Variants in DIPK2A observed in about 807,000 individuals in gnomAD.
DIPK2A encodes Golgi Protein of 49 kDa.
A neutral mutation model predicts 39.0 loss-of-function variants in DIPK2A; 27 were observed. The observed-to-expected ratio is 0.69, with a 90% CI of 0.51 to 0.96. The LOEUF is 0.96. Among genes scored for constraint, DIPK2A ranks in the 40% least tolerant of loss-of-function variants. The pLI is 0.00. For synonymous variants in DIPK2A, 298 were observed against 240.8 expected, an observed-to-expected ratio of 1.24 and a Z score of -2.20; for missense variants, 528 against 571.3, an observed-to-expected ratio of 0.92 and a Z score of 0.77.
chr3:143,989,468 T>G, intron 2 of DIPK2A, 42 bp from the exon 3 acceptor site: 1 of 1,362,108 alleles, frequency 7.3e-7, no homozygotes, highest in Non-Finnish European at 1.0e-6. Flanking sequence ...TGAAAACTAT[T>G]TAAAAAATTT....
At chr3:143,983,288 A>T (rs1029323446) in intron 1 of DIPK2A, among the ~76,000 whole-genome samples, 1 of 152,178 alleles carries the variant, frequency 6.6e-6, no homozygotes, top group Admixed American at 6.5e-5. Flanking sequence ...TCAGCATCAT[A>T]TTGCACTTAT....
chr3:143,987,617 A>G (rs1464739256), intron 2 of DIPK2A, among the ~76,000 whole-genome samples: 1 of 152,206 alleles, frequency 6.6e-6, no homozygotes, highest in Non-Finnish European at 1.5e-5. Flanking sequence ...AAACCTCATT[A>G]AAACAGCAAC....
intron 1 of DIPK2A, among the ~76,000 whole-genome samples, chr3:143,981,040 C>T (rs980086976): frequency 2.6e-5 from 4 of 152,030 alleles, no homozygotes; most frequent in East Asian, 1.9e-4. Context: ...AAAATGTATT[C>T]TTTTATGTAT....
Position 143,973,192 on chromosome 3 carries a change from G to C in DIPK2A, c.657+203G>C, listed in dbSNP as rs747124887. ...GGGCGACCCCGCTGATGGAGAGTCT[G>C]CTCTTGTTACCTAGATTCGGGCGCA... On this transcript the variant is annotated intron_variant, in intron 1 of 2. Transcript: ENST00000315691. 22 of 1,006,936 alleles carry C rather than the reference G, an allele frequency of 2.2e-5. No individual in the cohort carries two copies. The African/African-American group carries it at 2.4e-4, about 11-fold the overall frequency. The allele number at this position is 1,006,936 out of a possible 1,614,324, so 62.4% of individuals were successfully genotyped here.
Position 143,972,369 on chromosome 3 carries a change from T to G in DIPK2A, c.37T>G (p.Ser13Ala). The G allele has an allele frequency of 5.7e-6, 8 of 1,410,078 alleles. No homozygotes were observed. Among genetic ancestry groups the G allele is most frequent in the Non-Finnish European group, 7.4e-6 (8 of 1,082,250 alleles). 87.3% of individuals were successfully genotyped at this position (1,410,078 alleles called of 1,614,324 possible). Residue 13 changes from serine to alanine, a missense_variant, in exon 1 of 3, where the codon TCC becomes GCC. This residue lies in a region of DIPK2A where 309 missense variants were observed against 289.8 expected (regional missense o/e 1.07). Transcript: ENST00000315691. ...GGTGCCCCCGAAGCTGGGCCGCCTGTCCCGCTCGCTGAAGCTGGCGGCGCT... is the reference window on the plus strand; with the variant it reads ...GGTGCCCCCGAAGCTGGGCCGCCTGGCCCGCTCGCTGAAGCTGGCGGCGCT... ...RLVPPKLGRL[S>A]RSLKLAALGS...
chr3:143,978,956 G>A (rs1457754476), intron 1 of DIPK2A, among the ~76,000 whole-genome samples: 1 of 151,856 alleles, frequency 6.6e-6, no homozygotes, highest in Non-Finnish European at 1.5e-5. Context: ...TACCTAACAG[G>A]ATTGTTTTAA....
rs1444927225 is a variant in DIPK2A at position 143,989,654 on chromosome 3, C to T, written c.1106C>T (p.Ser369Phe). 2 of 1,614,212 alleles carry T rather than the reference C, an allele frequency of 1.2e-6. No homozygotes were observed. Among genetic ancestry groups the T allele is most frequent in the Non-Finnish European group, 1.7e-6 (2 of 1,180,032 alleles). ...TATGCTGTTTGTCAGAACCTCTTATCCAGACATGCCACCTGGCGTGGCACT... is the reference window on the plus strand; with the variant it reads ...TATGCTGTTTGTCAGAACCTCTTATTCAGACATGCCACCTGGCGTGGCACT... Reference protein sequence around the residue: ...NYYAVCQNLLSRHATWRGTSG... With the variant: ...NYYAVCQNLLFRHATWRGTSG... Residue 369 changes from serine to phenylalanine, a missense_variant, in exon 3 of 3, where the codon TCC (serine) becomes TTC (phenylalanine). Physicochemically the swap from Ser to Phe is radical, Grantham distance 155. Transcript: ENST00000315691.
chr3:143,972,529 G>A lies in DIPK2A; in HGVS notation c.197G>A (p.Arg66His). ...PACFGTSWCR[R>H]FLNGQVVFEA... ...TGCTTCGGCACGAGCTGGTGCCGCC[G>A]CTTCCTCAACGGGCAGGTGGTATTC... The change falls in exon 1 of 3, where the codon CGC (arginine) becomes CAC (histidine). Residue 66 changes from arginine (R) to histidine (H), a missense_variant. By Grantham distance (29) the Arg-to-His change is conservative. Coordinates refer to ENST00000315691, the MANE Select transcript of DIPK2A (RefSeq NM_173552.5). The A allele has an allele frequency of 6.2e-7, 1 of 1,612,014 alleles. No homozygotes were observed. The highest frequency in any genetic ancestry group is 8.5e-7 in the Non-Finnish European group (1 of 1,179,522).
intron 1 of DIPK2A, chr3:143,978,512 C>T (rs1218810187): frequency 6.6e-6 from 1 of 151,822 alleles, no homozygotes; most frequent in African/African-American, 2.4e-5. Context: ...AAGTAGCTTA[C>T]TATGTAGGAG....
At position 143,972,410 on chromosome 3, in the gene DIPK2A, G is replaced by A. The variant is rs544879017; in HGVS notation, c.78G>A (p.Val26=). 4.1e-5 allele frequency: 62 copies of A among 1,520,144 alleles called. No homozygotes were observed. The South Asian group carries it at 5.4e-4, about 13-fold the overall frequency. The allele number at this position is 1,520,144 out of a possible 1,614,324, so 94.2% of individuals were successfully genotyped here. Reference sequence around the variant, plus strand: ...TGGCGGCGCTGGGCAGCCTGTTGGTGCTGATGGTGCTGCACTCGCCGTCGC... The same window carrying A: ...TGGCGGCGCTGGGCAGCCTGTTGGTACTGATGGTGCTGCACTCGCCGTCGC... ...LKLAALGSLL[V]LMVLHSPSLL... is the part of the protein sequence containing the mutation. Residue 26 remains valine (V), a synonymous_variant, in exon 1 of 3, where the codon GTG becomes GTA. Coordinates refer to ENST00000315691, the MANE Select transcript of DIPK2A (RefSeq NM_173552.5).
chr3:143,988,974 A>G (rs1333666962), intron 2 of DIPK2A, among the ~76,000 whole-genome samples: 1 of 152,192 alleles, frequency 6.6e-6, no homozygotes, highest in Non-Finnish European at 1.5e-5. Context: ...CTATTTTTCT[A>G]GCGTCACCTG....
In DIPK2A at chr3:143,991,203, T is replaced by C. The variant is rs1167160486; in HGVS notation, c.*1362T>C. ...CTTTTGTTTACAGCAAAGTTTGATG[T>C]AGTGTGCAGTAGTGAGCTCTAGACT... On this transcript the variant is annotated 3_prime_UTR_variant, in exon 3 of 3. Coordinates refer to ENST00000315691, the MANE Select transcript of DIPK2A (RefSeq NM_173552.5). The C allele has an allele frequency of 1.3e-5, 2 of 152,658 alleles. No individual in the cohort carries two copies. Among genetic ancestry groups the C allele is most frequent in the Non-Finnish European group, 2.9e-5 (2 of 68,024 alleles). 9.5% of individuals were successfully genotyped at this position (152,658 alleles called of 1,614,324 possible).
At chr3:143,988,478 C>G (rs1175535216) in intron 2 of DIPK2A, among the ~76,000 whole-genome samples, 1 of 152,114 alleles carries the variant, frequency 6.6e-6, no homozygotes. Flanking sequence ...GCTACAATGG[C>G]CTCTTGTTTT....
intron 1 of DIPK2A, chr3:143,973,514 C>T: frequency 6.4e-7 from 1 of 1,551,510 alleles, no homozygotes; most frequent in South Asian, 1.2e-5. Context: ...ACACCTAATT[C>T]GAGGACAAGT....
chr3:143,974,293 T>C (rs1164940444), intron 1 of DIPK2A, among the ~76,000 whole-genome samples: 1 of 152,210 alleles, frequency 6.6e-6, no homozygotes, highest in Non-Finnish European at 1.5e-5. Flanking sequence ...GATGAAACTT[T>C]AGTGTGGGTC....
chr3:143,977,307 T>C (rs941240086), intron 1 of DIPK2A, among the ~76,000 whole-genome samples: 3 of 152,052 alleles, frequency 2.0e-5, no homozygotes, highest in African/African-American at 7.2e-5. Flanking sequence ...TTTCAAACTC[T>C]TGAGAAATTT....
intron 2 of DIPK2A, among the ~76,000 whole-genome samples, 199 bp from the exon 3 acceptor site, chr3:143,989,311 C>T (rs1313414650): frequency 6.6e-6 from 1 of 152,098 alleles, no homozygotes; most frequent in Non-Finnish European, 1.5e-5. Context: ...AGAGACCTTT[C>T]TGAATCTTTC....
Position 143,972,074 on chromosome 3 carries a change from G to C in DIPK2A, c.-259G>C, listed in dbSNP as rs117232177. ...TGGCTGGCGTGGAGGAGGCGCCGCCGGAGTCGGAGGGCGGGGAGCTAGGAG... is the reference window on the plus strand; with the variant it reads ...TGGCTGGCGTGGAGGAGGCGCCGCCCGAGTCGGAGGGCGGGGAGCTAGGAG... On this transcript the variant is annotated 5_prime_UTR_variant, in exon 1 of 3. Transcript: ENST00000315691. 1 of 380,086 alleles carries C rather than the reference G, an allele frequency of 2.6e-6. No homozygotes were observed. The highest frequency in any genetic ancestry group is 2.1e-5 in the African/African-American group (1 of 48,016). 23.5% of individuals were successfully genotyped at this position (380,086 alleles called of 1,614,324 possible).
chr3:143,986,547 A>AC (rs1367421711), intron 2 of DIPK2A, among the ~76,000 whole-genome samples: 1 of 151,876 alleles, frequency 6.6e-6, no homozygotes, highest in Non-Finnish European at 1.5e-5. Context: ...ACACGGTGAA[A>AC]CCCCGTCTCT....
Sources: allele counts gnomAD v4.1 joint callset (sites outside exome capture counted in the v4.1 genomes callset), GRCh38; gene constraint gnomAD v4.1.1; regional missense constraint gnomAD v4.1.1; transcripts MANE v1.5; gene names NCBI Gene and HGNC (gene_info 2026-07-23, HGNC 2026-07-21).